The following ZHX1 variants were observed in gnomAD, a reference collection of about 807,000 sequenced individuals.
ZHX1 encodes the protein zinc fingers and homeoboxes protein 1.
In ZHX1, 20 loss-of-function variants were observed where a neutral mutation model predicts 61.8. The observed-to-expected ratio is 0.32, with a 90% CI of 0.23 to 0.47. The LOEUF is 0.47. ZHX1 is among the 20% of genes least tolerant of loss of function. The pLI, the probability that ZHX1 is intolerant of heterozygous loss-of-function variation, is 1.00. For synonymous variants in ZHX1, 318 were observed against 352.6 expected (o/e 0.90, Z 1.10); for missense variants, 800 against 1,034.8 (o/e 0.77, Z 3.11).
chr8:123,270,477 T>C (rs1365365480), intron 1 of ZHX1, among the ~76,000 whole-genome samples: 2 of 152,096 alleles, frequency 1.3e-5, no homozygotes, highest in Non-Finnish European at 2.9e-5. Context: ...AATTAAAATC[T>C]TGCATTAAAA....
rs555405631 is a variant in ZHX1 at position 123,256,861 on chromosome 8, G to A, written c.-225-690C>T. ...CTCATCAGCCAAAAGCATGCTTCAA[G>A]TATGGCAAAAATAGCAAAGATGGAG... On this transcript the variant is annotated intron_variant, in intron 2 of 3. Coordinates refer to ENST00000395571, the MANE Select transcript of ZHX1 (RefSeq NM_007222.5). Among the ~76,000 whole-genome samples, 16 of 152,094 alleles carry A rather than the reference G, an allele frequency of 1.1e-4. No homozygotes were observed. In the South Asian group the frequency reaches 3.3e-3, roughly 32 times the overall value.
At chr8:123,273,990 G>A (rs1291531872) in intron 1 of ZHX1, 1 of 152,466 alleles carries the variant, frequency 6.6e-6, no homozygotes, top group African/African-American at 2.4e-5. Context: ...CCAGCCGCGA[G>A]GCAGGCCCCG....
chr8:123,254,098 T>C lies in ZHX1; in HGVS notation c.1849A>G (p.Thr617Ala). 2 of 1,614,164 alleles carry C rather than the reference T, an allele frequency of 1.2e-6. No individual in the cohort carries two copies. The highest frequency in any genetic ancestry group is 1.7e-6 in the Non-Finnish European group (2 of 1,180,030). The change falls in exon 3 of 4, where the codon ACA (threonine) becomes GCA (alanine). Residue 617 changes from threonine to alanine, a missense_variant. Thr to Ala is a moderately conservative substitution (Grantham distance 58). Coordinates refer to ENST00000395571, the MANE Select transcript of ZHX1 (RefSeq NM_007222.5). The surrounding 1 kb of genome is among the most constrained non-coding windows in gnomAD (Gnocchi z 4.1). ...AAAGCTTTTGATTTCTTCTTCTCTG[T>C]AAACCAAGCATCGATTTCTCTTCTG... ...LTRREIDAWFTEKKKSKALKE... is the reference protein window; with the variant it reads ...LTRREIDAWFAEKKKSKALKE...
rs779237885 is a variant in ZHX1, at chr8:123,254,130, T to C, written c.1817A>G (p.Lys606Arg). The C allele has an allele frequency of 3.7e-6, 6 of 1,614,066 alleles. No individual in the cohort carries two copies. Among genetic ancestry groups the C allele is most frequent in the Non-Finnish European group, 5.1e-6 (6 of 1,180,036 alleles). ...AGCATCGATTTCTCTTCTGGTAAGTTTGGTTTGTGCCCTTAACCTATTTAA... is the reference window on the plus strand; with the variant it reads ...AGCATCGATTTCTCTTCTGGTAAGTCTGGTTTGTGCCCTTAACCTATTTAA... ...EELNRLRAQT[K>R]LTRREIDAWF... Residue 606 changes from lysine to arginine, a missense_variant, in exon 3 of 4, where the codon AAA becomes AGA. Physicochemically the swap from Lys to Arg is conservative, Grantham distance 26. Transcript: ENST00000395571. The surrounding 1 kb of genome is among the most constrained non-coding windows in gnomAD (Gnocchi z 4.1).
In ZHX1 at chr8:123,254,206, G is replaced by C; in HGVS notation, c.1741C>G (p.Arg581Gly). The change falls in exon 3 of 4, where the codon CGT becomes GGT. Residue 581 changes from arginine to glycine, a missense_variant. By Grantham distance (125) the Arg-to-Gly change is moderately radical. Coordinates refer to ENST00000395571, the MANE Select transcript of ZHX1 (RefSeq NM_007222.5). The surrounding 1 kb of genome is among the most constrained non-coding windows in gnomAD (Gnocchi z 4.1). ...KFKEKTAEQLRVLQASFLNSS... is the reference protein window; with the variant it reads ...KFKEKTAEQLGVLQASFLNSS... Reference sequence around the variant, plus strand: ...TTGAGAAAACTTGCCTGAAGGACACGAAGCTGCTCTGCAGTTTTCTCTTTA... The same window carrying C: ...TTGAGAAAACTTGCCTGAAGGACACCAAGCTGCTCTGCAGTTTTCTCTTTA... 6.2e-7 allele frequency: 1 copy of C among 1,614,112 alleles called. No individual in the cohort carries two copies. The highest frequency in any genetic ancestry group is 8.5e-7 in the Non-Finnish European group (1 of 1,180,014).
chr8:123,253,184 G>T, intron 3 of ZHX1, 138 bp downstream of exon 3: 1 of 613,476 alleles, frequency 1.6e-6, no homozygotes, highest in Non-Finnish European at 2.8e-6. Flanking sequence ...CTATACTAGT[G>T]GTACCTAGTC....
chr8:123,271,753 T>C (rs1022362177), intron 1 of ZHX1, among the ~76,000 whole-genome samples: 3 of 152,086 alleles, frequency 2.0e-5, no homozygotes, highest in African/African-American at 7.2e-5. Flanking sequence ...TTAATTTCGC[T>C]AATAACTGTA....
At chr8:123,270,645 C>T (rs1345680489) in intron 1 of ZHX1, among the ~76,000 whole-genome samples, 5 of 151,462 alleles carry the variant, frequency 3.3e-5, no homozygotes, top group Middle Eastern at 6.8e-3. Context: ...ATTAGCCGGG[C>T]GTGGGTGACA....
chr8:123,269,364 A>G (rs1387742651), intron 1 of ZHX1, among the ~76,000 whole-genome samples: 1 of 152,214 alleles, frequency 6.6e-6, no homozygotes, highest in African/African-American at 2.4e-5. Flanking sequence ...AGTGCTTTTG[A>G]ATGAAAATCC....
At chr8:123,261,969 T>C (rs942779055) in intron 2 of ZHX1, among the ~76,000 whole-genome samples, 4 of 152,178 alleles carry the variant, frequency 2.6e-5, no homozygotes, top group Admixed American at 1.3e-4. Flanking sequence ...AATTGCTGTA[T>C]AGAAATCACT....
chr8:123,266,756 A>C (rs922668000), intron 2 of ZHX1, among the ~76,000 whole-genome samples: 2 of 152,158 alleles, frequency 1.3e-5, no homozygotes, highest in Non-Finnish European at 2.9e-5. Flanking sequence ...CAATATTCAA[A>C]TATTTAAGTT....
intron 2 of ZHX1, among the ~76,000 whole-genome samples, chr8:123,261,537 C>T (rs1826267263): frequency 1.3e-5 from 2 of 152,050 alleles, no homozygotes; most frequent in African/African-American, 4.8e-5. Context: ...TTTCAGGTAC[C>T]AGCAGTGAAG....
rs371804726 is a variant in ZHX1, at chr8:123,251,963, T to A, written c.*3+1359A>T. ...AGTGCCTGGTACATATTAAGCTCTC[T>A]ATAAATAATTGTTAAAATAAATAAA... On this transcript the variant is annotated intron_variant, in intron 3 of 3. Coordinates refer to ENST00000395571, the MANE Select transcript of ZHX1 (RefSeq NM_007222.5). Among the ~76,000 whole-genome samples, 19 of 152,288 alleles carry A rather than the reference T, an allele frequency of 1.2e-4. No homozygotes were observed. The East Asian group carries it at 3.5e-3, about 28-fold the overall frequency.
chr8:123,268,943 AC>A (rs894589767), intron 1 of ZHX1, among the ~76,000 whole-genome samples: 3 of 152,238 alleles, frequency 2.0e-5, no homozygotes, highest in African/African-American at 7.2e-5. Flanking sequence ...ATGTAAATAC[AC>A]CAGTCCTTTA....
chr8:123,255,915 C>A lies in ZHX1; in HGVS notation c.32G>T (p.Cys11Phe). The change falls in exon 3 of 4, where the codon TGC becomes TTC. Residue 11 changes from cysteine to phenylalanine, a missense_variant. Physicochemically the swap from Cys to Phe is radical, Grantham distance 205. Coordinates refer to ENST00000395571, the MANE Select transcript of ZHX1 (RefSeq NM_007222.5). MASRRKSTTP[C>F]MVLASEQDPD... Reference sequence around the variant, plus strand: ...ATCTTGTTCACTGGCAAGGACCATGCAAGGTGTTGTTGATTTTCGCCTGCT... The same window carrying A: ...ATCTTGTTCACTGGCAAGGACCATGAAAGGTGTTGTTGATTTTCGCCTGCT... 1.2e-6 allele frequency: 2 copies of A among 1,609,366 alleles called. No individual in the cohort carries two copies. The highest frequency in any genetic ancestry group is 1.7e-6 in the Non-Finnish European group (2 of 1,177,898).
Position 123,249,358 on chromosome 8 carries a change from A to G in ZHX1, c.*966T>C, listed in dbSNP as rs559279295. On this transcript the variant is annotated 3_prime_UTR_variant, in exon 4 of 4. Coordinates refer to ENST00000395571, the MANE Select transcript of ZHX1 (RefSeq NM_007222.5). The stretch of plus-strand genomic sequence containing the variant: ...GTGAAAAGCTAACTTTTAACTCATT[A>G]TGATCAGTTCAGAATTTTTTCTCTA... The G allele has an allele frequency of 3.3e-5, 5 of 152,292 alleles. No homozygotes were observed. The highest frequency in any genetic ancestry group is 2.1e-4 in the South Asian group (1 of 4,830). 9.4% of individuals were successfully genotyped at this position (152,292 alleles called of 1,614,324 possible).
chr8:123,267,163 G>A, intron 2 of ZHX1, 110 bp downstream of exon 2: 3 of 1,003,520 alleles, frequency 3.0e-6, no homozygotes, highest in Non-Finnish European at 4.2e-6. Context: ...TATGTCTGCT[G>A]CTTTTTAAGG....
chr8:123,253,877 A>G lies in ZHX1; in HGVS notation c.2070T>C (p.Tyr690=), dbSNP rs772877066. Residue 690 remains tyrosine (Y), a synonymous_variant, in exon 3 of 4, where the codon TAT becomes TAC. Coordinates refer to ENST00000395571, the MANE Select transcript of ZHX1 (RefSeq NM_007222.5). The part of the protein sequence containing the change: ...VRTQWPSPEE[Y]DKLAKESGLA... The stretch of plus-strand genomic sequence containing the variant: ...GCCCGCTTTCTTTGGCCAACTTGTC[A>G]TACTCTTCTGGTGATGGCCACTGTG... The G allele has an allele frequency of 3.7e-6, 6 of 1,614,170 alleles. No individual in the cohort carries two copies. The highest frequency in any genetic ancestry group is 1.3e-5 in the African/African-American group (1 of 75,040).
chr8:123,256,290 T>C (rs1457202920), intron 2 of ZHX1, 119 bp from the exon 3 acceptor site: 2 of 173,474 alleles, frequency 1.2e-5, no homozygotes, highest in African/African-American at 4.7e-5. Context: ...AGATCTAGAA[T>C]AAGATAAGAA....
Sources: allele counts gnomAD v4.1 joint callset (sites outside exome capture counted in the v4.1 genomes callset), GRCh38; gene constraint gnomAD v4.1.1; non-coding constraint Gnocchi (gnomAD v3.1); transcripts MANE v1.5; gene names NCBI Gene and HGNC (gene_info 2026-07-23, HGNC 2026-07-21).